The following ROS1 variants were observed in gnomAD, a reference collection of about 807,000 sequenced individuals.
The protein encoded by ROS1 is proto-oncogene tyrosine-protein kinase ROS.
A neutral mutation model predicts 273.5 loss-of-function variants in ROS1; 263 were observed. The ratio of observed to expected loss-of-function variants is 0.96; its 90% CI spans 0.87 to 1.06. The LOEUF is 1.06. Ranked by LOEUF, ROS1 falls within the 50% of genes least tolerant of loss-of-function variation. ROS1 has a pLI of 0.00. For missense variants in ROS1, 2,833 were observed against 2,751.1 expected, an observed-to-expected ratio of 1.03 and a Z score of -0.67; for synonymous variants, 1,008 against 954.1, an observed-to-expected ratio of 1.06 and a Z score of -1.04.
chr6:117,401,538 G>C (rs1773931440), intron 7 of ROS1, among the ~76,000 whole-genome samples: 1 of 150,628 alleles, frequency 6.6e-6, no homozygotes, highest in African/African-American at 2.4e-5. Flanking sequence ...ATCTTTTATT[G>C]GTTCAGAATT....
intron 20 of ROS1, 35 bp downstream of exon 20, chr6:117,365,542 CTGTT>C: frequency 6.4e-7 from 1 of 1,562,614 alleles, no homozygotes; most frequent in Non-Finnish European, 8.8e-7. Flanking sequence ...ATGGTACAGT[CTGTT>C]TGGGAAATGA....
At position 117,362,879 on chromosome 6, in the gene ROS1, G is replaced by T. The variant is rs754018060; in HGVS notation, c.3104-14C>A. 39 of 1,594,742 alleles carry T rather than the reference G, an allele frequency of 2.4e-5. No individual in the cohort carries two copies. The highest frequency in any genetic ancestry group is 1.8e-4 in the Middle Eastern group (1 of 5,576). On this transcript the variant is annotated splice_polypyrimidine_tract_variant and intron_variant, in intron 21 of 43. Transcript: ENST00000368507. ...GTGCTGATGGAACTGAAAAGTAGAG[G>T]CACAGGTAGAGCAGAAAAGAATATA...
chr6:117,297,624 C>G (rs1774346530), intron 43 of ROS1, among the ~76,000 whole-genome samples: 1 of 151,976 alleles, frequency 6.6e-6, no homozygotes, highest in Admixed American at 6.6e-5. Context: ...GAAAAATGCC[C>G]AAAATCCCTA....
intron 16 of ROS1, among the ~76,000 whole-genome samples, chr6:117,384,523 G>A (rs1772408436): frequency 6.6e-6 from 1 of 152,144 alleles, no homozygotes; most frequent in Admixed American, 6.5e-5. Context: ...GTAGATAAAT[G>A]ATTGCTGGAC....
At chr6:117,320,051 T>G (rs946974894) in intron 36 of ROS1, 21 bp from the exon 37 acceptor site, 4 of 1,610,704 alleles carry the variant, frequency 2.5e-6, no homozygotes, top group Non-Finnish European at 3.4e-6. Flanking sequence ...GCAACATTTT[T>G]GTCTCCCCAC....
Position 117,341,611 on chromosome 6 carries a change from A to C in ROS1, c.4673T>G (p.Ile1558Ser). Residue 1558 changes from isoleucine (I) to serine (S), a missense_variant, in exon 30 of 44, where the codon ATT becomes AGT. Ile to Ser is a moderately radical substitution (Grantham distance 142). Coordinates refer to ENST00000368507, the MANE Select transcript of ROS1 (RefSeq NM_001378902.1). ...GGTGTCTGACCGCACAGTTGTATTA[A>C]TGAGCTGCACTGCCTCTGGTACTGA... Reference protein sequence around the residue: ...KNGVPEAVQLINTTVRSDTSL... With the variant: ...KNGVPEAVQLSNTTVRSDTSL... The C allele has an allele frequency of 1.2e-6, 2 of 1,613,378 alleles. No homozygotes were observed. The highest frequency in any genetic ancestry group is 2.2e-5 in the South Asian group (2 of 91,056).
At chr6:117,300,456 C>A (rs1055098017) in intron 43 of ROS1, among the ~76,000 whole-genome samples, 1 of 151,840 alleles carries the variant, frequency 6.6e-6, no homozygotes, top group East Asian at 1.9e-4. Flanking sequence ...TAAAAAAATA[C>A]ACATTTTGCA....
intron 43 of ROS1, among the ~76,000 whole-genome samples, chr6:117,300,323 AC>A (rs1774619540): frequency 6.6e-6 from 1 of 151,920 alleles, no homozygotes; most frequent in African/African-American, 2.4e-5. Context: ...GACCTGATCC[AC>A]TACAATAATC....
intron 27 of ROS1, among the ~76,000 whole-genome samples, chr6:117,347,556 G>A (rs1026639511): frequency 8.6e-5 from 13 of 151,826 alleles, no homozygotes. Flanking sequence ...ACCTTTTCTT[G>A]TATTGTATAC....
chr6:117,404,491 G>A, intron 5 of ROS1, 63 bp from the exon 6 acceptor site: 2 of 1,469,294 alleles, frequency 1.4e-6, no homozygotes, highest in Middle Eastern at 1.8e-4. Context: ...GAGAGTGTGT[G>A]CCTCTCTCAT....
intron 43 of ROS1, among the ~76,000 whole-genome samples, chr6:117,291,714 G>A (rs903952217): frequency 1.3e-5 from 2 of 152,150 alleles, no homozygotes; most frequent in African/African-American, 4.8e-5. Context: ...ACAGTGAGTG[G>A]CACATGGAAA....
intron 4 of ROS1, among the ~76,000 whole-genome samples, chr6:117,410,700 C>T (rs1774834008): frequency 6.6e-6 from 1 of 152,144 alleles, no homozygotes; most frequent in Admixed American, 6.6e-5. Context: ...GCTATTGTTT[C>T]TCATGGTAAT....
intron 41 of ROS1, among the ~76,000 whole-genome samples, chr6:117,309,672 C>T (rs533438929): frequency 5.9e-5 from 9 of 152,104 alleles, no homozygotes; most frequent in African/African-American, 2.2e-4. Context: ...CAAATCTCCC[C>T]AGTGTCCTAA....
chr6:117,334,797 A>G (rs976874242), intron 32 of ROS1, among the ~76,000 whole-genome samples: 9 of 152,198 alleles, frequency 5.9e-5, no homozygotes, highest in African/African-American at 2.2e-4. Context: ...ATATGCAGAA[A>G]ACTGAAACTG....
chr6:117,400,105 G>A (rs901750253), intron 7 of ROS1, among the ~76,000 whole-genome samples: 1 of 152,172 alleles, frequency 6.6e-6, no homozygotes, highest in African/African-American at 2.4e-5. Flanking sequence ...ATGGCATACT[G>A]ACTAATTTCC....
chr6:117,396,654 G>T (rs1454960690), intron 8 of ROS1, among the ~76,000 whole-genome samples: 2 of 152,176 alleles, frequency 1.3e-5, no homozygotes, highest in African/African-American at 2.4e-5. Context: ...GACATTCATG[G>T]TGTTTACGAT....
chr6:117,352,332 T>C (rs1484679840), intron 27 of ROS1, among the ~76,000 whole-genome samples: 1 of 152,212 alleles, frequency 6.6e-6, no homozygotes, highest in Non-Finnish European at 1.5e-5. Flanking sequence ...GTAGAAAATA[T>C]ATAGTCAGTT....
intron 43 of ROS1, among the ~76,000 whole-genome samples, chr6:117,297,479 C>G (rs1018997299): frequency 6.6e-6 from 1 of 152,032 alleles, no homozygotes; most frequent in African/African-American, 2.4e-5. Context: ...CAACAGGGGT[C>G]TAATATCCAG....
chr6:117,424,895 G>A (rs1314405472), intron 1 of ROS1, among the ~76,000 whole-genome samples: 1 of 151,936 alleles, frequency 6.6e-6, no homozygotes, highest in Non-Finnish European at 1.5e-5. Context: ...TAGAGTACTT[G>A]GTTTTTAAAG....
Sources: allele counts gnomAD v4.1 joint callset (sites outside exome capture counted in the v4.1 genomes callset), GRCh38; gene constraint gnomAD v4.1.1; transcripts MANE v1.5; gene names NCBI Gene and HGNC (gene_info 2026-07-23, HGNC 2026-07-21).